The following CNTNAP2 variants were observed in gnomAD, a reference collection of about 807,000 sequenced individuals.
The protein encoded by CNTNAP2 is contactin-associated protein-like 2.
In CNTNAP2, 98 loss-of-function variants were observed where a neutral mutation model predicts 155.2. The ratio of observed to expected loss-of-function variants is 0.63; its 90% CI spans 0.54 to 0.75. CNTNAP2 has a LOEUF of 0.75. CNTNAP2 is among the 30% of genes least tolerant of loss of function. The pLI is 0.00. For missense variants in CNTNAP2, 1,727 were observed against 1,688.1 expected (o/e 1.02, Z -0.40); for synonymous variants, 651 against 631.2 (o/e 1.03, Z -0.47).
chr7:146,237,774 T>A (rs542761533), intron 1 of CNTNAP2, among the ~76,000 whole-genome samples: 2 of 148,260 alleles, frequency 1.3e-5, no homozygotes, highest in East Asian at 4.0e-4. Context: ...ATTTCTTTGG[T>A]AATTTGCAAA....
chr7:148,400,262 C>A (rs753478), intron 22 of CNTNAP2, among the ~76,000 whole-genome samples: 84,729 of 152,092 alleles, frequency 0.56, 24,290 homozygotes, highest in African/African-American at 0.63. Context: ...CCTTCCGGGG[C>A]ACCCTGCTGC....
intron 15 of CNTNAP2, among the ~76,000 whole-genome samples, chr7:148,025,408 G>GCA (rs1373455950): frequency 6.6e-6 from 1 of 152,146 alleles, no homozygotes; most frequent in African/African-American, 2.4e-5. Context: ...TCAATCTGCA[G>GCA]CACCCATTCC....
At chr7:146,443,260 A>G (rs1191480804) in intron 1 of CNTNAP2, among the ~76,000 whole-genome samples, 4 of 145,252 alleles carry the variant, frequency 2.8e-5, no homozygotes, top group Non-Finnish European at 5.9e-5. Context: ...AAATAAATAG[A>G]TAAATAAAAG....
intron 16 of CNTNAP2, among the ~76,000 whole-genome samples, chr7:148,126,874 G>T (rs1412282514): frequency 2.0e-5 from 3 of 152,198 alleles, no homozygotes. Context: ...GGGCCACTCA[G>T]AAAAGGGGTT....
chr7:146,406,747 G>T (rs968972937), intron 1 of CNTNAP2, among the ~76,000 whole-genome samples: 1 of 152,132 alleles, frequency 6.6e-6, no homozygotes, highest in African/African-American at 2.4e-5. Flanking sequence ...AGAACCTTTT[G>T]TATCAGAGTA....
At chr7:146,920,345 C>A (rs193286143) in intron 3 of CNTNAP2, among the ~76,000 whole-genome samples, 1 of 151,372 alleles carries the variant, frequency 6.6e-6, no homozygotes, top group African/African-American at 2.4e-5. Context: ...AACTGGGATG[C>A]GGAGGTTGCA....
intron 1 of CNTNAP2, among the ~76,000 whole-genome samples, chr7:146,296,211 A>G (rs982350068): frequency 2.0e-5 from 3 of 152,102 alleles, no homozygotes; most frequent in African/African-American, 7.2e-5. Context: ...GTTTGAAGAC[A>G]CTCACAGAGG....
chr7:148,129,837 A>G lies in CNTNAP2; in HGVS notation c.2554+11549A>G, dbSNP rs143098068. Among the ~76,000 whole-genome samples the G allele has an allele frequency of 1.2e-3, 189 of 152,306 alleles. 3 individuals carry two copies. The East Asian group carries it at 0.034, about 28-fold the overall frequency. ...ATCCAGTGTGGCTTACCACCTCCCAACCTAAGTGAACTCACAGCCAAGCAG... is the reference window on the plus strand; with the variant it reads ...ATCCAGTGTGGCTTACCACCTCCCAGCCTAAGTGAACTCACAGCCAAGCAG... On this transcript the variant is annotated intron_variant, in intron 16 of 23. Coordinates refer to ENST00000361727, the MANE Select transcript of CNTNAP2 (RefSeq NM_014141.6).
intron 1 of CNTNAP2, among the ~76,000 whole-genome samples, chr7:146,392,644 T>A (rs1386752892): frequency 1.3e-5 from 2 of 152,190 alleles, no homozygotes; most frequent in Non-Finnish European, 2.9e-5. Context: ...TCTTTCCTAG[T>A]AAAACCCTAA....
Position 146,177,552 on chromosome 7 carries a change from T to C in CNTNAP2, c.97+60579T>C, listed in dbSNP as rs375339992. ...CCAAATTGAACCAGTCCAGCTGTTA[T>C]ACTATTACTTTTAAAGAATGCCTCA... On this transcript the variant is annotated intron_variant, in intron 1 of 23. Transcript: ENST00000361727. Among the ~76,000 whole-genome samples, 313 of 152,344 alleles carry C rather than the reference T, an allele frequency of 2.1e-3. 1 individual carries two copies. The highest frequency in any genetic ancestry group is 0.01 in the Middle Eastern group (3 of 294).
chr7:147,554,806 G>A (rs1188812426), intron 11 of CNTNAP2, among the ~76,000 whole-genome samples: 1 of 151,392 alleles, frequency 6.6e-6, no homozygotes, highest in Non-Finnish European at 1.5e-5. Flanking sequence ...TGGTTCCTAA[G>A]GGAAATAATG....
intron 14 of CNTNAP2, among the ~76,000 whole-genome samples, chr7:147,915,908 T>C (rs1288831137): frequency 6.6e-6 from 1 of 152,184 alleles, no homozygotes; most frequent in Non-Finnish European, 1.5e-5. Flanking sequence ...CCACTGTGGT[T>C]TACTTGGCAG....
rs548220734 is a variant in CNTNAP2 at position 147,237,049 on chromosome 7, C to CTTTTTTTTTTTT, written c.1349-63067_1349-63056dup. Among the ~76,000 whole-genome samples, 31 of 57,478 alleles carry CTTTTTTTTTTTT rather than the reference C, an allele frequency of 5.4e-4. 5 individuals carry two copies. Among genetic ancestry groups the CTTTTTTTTTTTT allele is most frequent in the African/African-American group, 8.1e-4 (12 of 14,820 alleles). 37.7% of individuals were successfully genotyped at this position (57,478 alleles called of 152,430 possible). A position where few individuals can be genotyped will look rare whatever the true frequency, so the allele number is the denominator to read the frequency against. On this transcript the variant is annotated intron_variant, in intron 8 of 23. Transcript: ENST00000361727. ...CCACTTCCTTTAGCCTTCACCTCCTCTTTTTTTTTTTTTTTTTTTTTTTTT... is the reference window on the plus strand; with the variant it reads ...CCACTTCCTTTAGCCTTCACCTCCTCTTTTTTTTTTTTTTTTTTTTTTTTTTTTTTTTTTTTT...
intron 13 of CNTNAP2, among the ~76,000 whole-genome samples, chr7:147,860,060 G>T (rs1189067201): frequency 6.6e-6 from 1 of 152,066 alleles, no homozygotes; most frequent in African/African-American, 2.4e-5. Flanking sequence ...GAGGTGATTG[G>T]GTCATGGGGG....
intron 1 of CNTNAP2, among the ~76,000 whole-genome samples, chr7:146,189,992 A>G (rs932422914): frequency 6.6e-6 from 1 of 152,250 alleles, no homozygotes; most frequent in East Asian, 1.9e-4. Context: ...ATTTTCTCAC[A>G]TAAGTTTGTG....
intron 13 of CNTNAP2, among the ~76,000 whole-genome samples, chr7:147,688,877 C>A (rs961041275): frequency 6.6e-6 from 1 of 152,164 alleles, no homozygotes; most frequent in African/African-American, 2.4e-5. Flanking sequence ...CTACTGTACA[C>A]ATGTCAGCAT....
chr7:146,712,676 A>T lies in CNTNAP2; in HGVS notation c.98-61595A>T, dbSNP rs374413277. On this transcript the variant is annotated intron_variant, in intron 1 of 23. Coordinates refer to ENST00000361727, the MANE Select transcript of CNTNAP2 (RefSeq NM_014141.6). ...ACTTTTGCCTTTTTTTTTCTTTTTTAGTTTAAGATAAAATAAATAGTCTAA... is the reference window on the plus strand; with the variant it reads ...ACTTTTGCCTTTTTTTTTCTTTTTTTGTTTAAGATAAAATAAATAGTCTAA... 3.0e-4 allele frequency among the ~76,000 whole-genome samples: 45 copies of T among 150,100 alleles called. No homozygotes were observed. The East Asian group carries it at 5.3e-3, about 18-fold the overall frequency.
intron 4 of CNTNAP2, among the ~76,000 whole-genome samples, chr7:147,074,486 T>C (rs910776228): frequency 2.6e-5 from 4 of 152,158 alleles, no homozygotes; most frequent in African/African-American, 9.7e-5. Flanking sequence ...TAAGAAAATA[T>C]GCTGACAGTA....
intron 8 of CNTNAP2, among the ~76,000 whole-genome samples, chr7:147,241,765 G>A (rs1167660080): frequency 1.3e-4 from 19 of 151,982 alleles, no homozygotes; most frequent in Non-Finnish European, 5.9e-5. Context: ...CAACTGAGAG[G>A]TGAAGTCTTC....
Sources: allele counts gnomAD v4.1 joint callset (sites outside exome capture counted in the v4.1 genomes callset), GRCh38; gene constraint gnomAD v4.1.1; transcripts MANE v1.5; gene names NCBI Gene and HGNC (gene_info 2026-07-23, HGNC 2026-07-21).